FABP7: variants seen among roughly 807,000 people sequenced by gnomAD.
The protein encoded by FABP7 is fatty acid-binding protein, brain.
In FABP7, 13 loss-of-function variants were observed where a neutral mutation model predicts 14.2. The ratio of observed to expected loss-of-function variants is 0.91; its 90% CI spans 0.59 to 1.45. The LOEUF is 1.45. Among genes scored for constraint, FABP7 ranks in the 40% most tolerant of loss-of-function variants. The pLI, the probability that FABP7 is intolerant of heterozygous loss-of-function variation, is 0.00. For synonymous variants in FABP7, 49 were observed against 51.4 expected (o/e 0.95, Z 0.20); for missense variants, 149 against 157.6 (o/e 0.95, Z 0.29).
intron 3 of FABP7, 178 bp from the exon 4 acceptor site, chr6:122,783,539 A>T (rs1265860391): frequency 1.0e-6 from 1 of 985,176 alleles, no homozygotes; most frequent in Non-Finnish European, 1.2e-6. Context: ...CATTTCAGAG[A>T]CATAAACTGT....
chr6:122,770,429 G>A, the FABP7 span, among the ~76,000 whole-genome samples: 2 of 152,040 alleles, frequency 1.3e-5, no homozygotes, highest in Admixed American at 1.3e-4. Context: ...CCATTTCCAC[G>A]ATCATCAGTA....
At chr6:122,765,121 AT>A in the FABP7 span, among the ~76,000 whole-genome samples, 1 of 152,138 alleles carries the variant, frequency 6.6e-6, no homozygotes, top group Non-Finnish European at 1.5e-5. Flanking sequence ...TTTTCAAAAC[AT>A]TTGTAACATT....
chr6:122,760,716 T>A, the FABP7 span, among the ~76,000 whole-genome samples: 2 of 152,088 alleles, frequency 1.3e-5, no homozygotes, highest in Admixed American at 6.6e-5. Flanking sequence ...TGGTTCTTTT[T>A]TACAAACAGC....
At chr6:122,764,916 A>C in the FABP7 span, among the ~76,000 whole-genome samples, 3 of 152,214 alleles carry the variant, frequency 2.0e-5, no homozygotes, top group Non-Finnish European at 4.4e-5. Context: ...TGTTGTATGC[A>C]ATCAGACTTT....
At chr6:122,779,437 C>T (rs905052647), upstream of FABP7, 2 of 212,344 alleles carry the variant, frequency 9.4e-6, no homozygotes, top group Admixed American at 1.1e-4. Context: ...CTCATTTTCC[C>T]GTTCCCTGCC....
upstream of FABP7, among the ~76,000 whole-genome samples, chr6:122,774,934 G>A (rs1270428667): frequency 6.6e-6 from 1 of 150,954 alleles, no homozygotes; most frequent in Non-Finnish European, 1.5e-5. Flanking sequence ...CAAATACCTA[G>A]GAATACACTT....
At chr6:122,754,365 A>G in the FABP7 span, among the ~76,000 whole-genome samples, 1 of 152,246 alleles carries the variant, frequency 6.6e-6, no homozygotes, top group East Asian at 1.9e-4. Flanking sequence ...TTCAGTGTCC[A>G]CGTGCTCTGC....
At chr6:122,760,381 C>CA in the FABP7 span, among the ~76,000 whole-genome samples, 1 of 152,168 alleles carries the variant, frequency 6.6e-6, no homozygotes, top group Non-Finnish European at 1.5e-5. Flanking sequence ...TTATCATTAG[C>CA]ATTTGCATGA....
chr6:122,753,863 G>A, the FABP7 span, among the ~76,000 whole-genome samples: 1 of 139,670 alleles, frequency 7.2e-6, no homozygotes, highest in Non-Finnish European at 1.5e-5. Flanking sequence ...CTGGCAATCA[G>A]TCTGATTGGT....
the FABP7 span, among the ~76,000 whole-genome samples, chr6:122,755,102 CCT>C: frequency 1.3e-5 from 2 of 152,016 alleles, no homozygotes; most frequent in African/African-American, 4.8e-5. Context: ...CCATTTCTTC[CCT>C]GTGTCCTCTC....
At chr6:122,753,790 C>CCG in the FABP7 span, among the ~76,000 whole-genome samples, 14 of 94,744 alleles carry the variant, frequency 1.5e-4, no homozygotes, top group African/African-American at 5.8e-4. Context: ...TCCCGCCCCC[C>CCG]CCCCGCCCAC....
chr6:122,769,632 G>A, the FABP7 span, among the ~76,000 whole-genome samples: 1 of 151,942 alleles, frequency 6.6e-6, no homozygotes, highest in Non-Finnish European at 1.5e-5. Flanking sequence ...GTTATTTTTA[G>A]GATATTAAAT....
chr6:122,762,607 G>C, the FABP7 span, among the ~76,000 whole-genome samples: 2 of 152,206 alleles, frequency 1.3e-5, no homozygotes, highest in South Asian at 4.1e-4. Context: ...AATTGTCCCT[G>C]TTTGCAGATG....
chr6:122,753,410 A>G, the FABP7 span, among the ~76,000 whole-genome samples: 1 of 151,376 alleles, frequency 6.6e-6, no homozygotes, highest in Non-Finnish European at 1.5e-5. Context: ...GCATTCAGTA[A>G]TTCGCTCACA....
chr6:122,767,264 A>T, the FABP7 span, among the ~76,000 whole-genome samples: 34 of 152,232 alleles, frequency 2.2e-4, no homozygotes, highest in African/African-American at 7.5e-4. Context: ...CCATATATAC[A>T]TATATTAAGG....
At chr6:122,779,459 T>C, upstream of FABP7, 1 of 256,822 alleles carries the variant, frequency 3.9e-6, no homozygotes, top group Non-Finnish European at 7.5e-6. Flanking sequence ...CCAGCCCCAT[T>C]GAATCCCTGC....
chr6:122,764,382 C>T, the FABP7 span, among the ~76,000 whole-genome samples: 3 of 151,724 alleles, frequency 2.0e-5, no homozygotes, highest in African/African-American at 7.3e-5. Context: ...ACACCAGGGC[C>T]TGTCATGGGG....
At chr6:122,763,360 C>T in the FABP7 span, among the ~76,000 whole-genome samples, 1 of 152,244 alleles carries the variant, frequency 6.6e-6, no homozygotes. Context: ...AACTGGATCC[C>T]TTCCTTACAC....
chr6:122,776,732 T>C (rs1208347110), upstream of FABP7, among the ~76,000 whole-genome samples: 1 of 152,202 alleles, frequency 6.6e-6, no homozygotes, highest in Admixed American at 6.5e-5. Flanking sequence ...ATTACCCAGA[T>C]TCAATCATTA....
Sources: gnomAD v4.1 joint callset for allele counts (sites outside exome capture counted in the v4.1 genomes callset) on GRCh38, gnomAD v4.1.1 for gene constraint, MANE v1.5 for transcripts, NCBI Gene and HGNC (gene_info 2026-07-23, HGNC 2026-07-21) for gene names.